SSPN: variants seen among roughly 807,000 people sequenced by gnomAD.
SSPN encodes K-ras oncogene-associated protein.
SSPN carries 15 observed loss-of-function variants against 19.1 expected under a neutral mutation model. The ratio of observed to expected loss-of-function variants is 0.78; its 90% confidence interval spans 0.52 to 1.21. SSPN has a LOEUF of 1.21. Among genes scored for constraint, SSPN ranks in the 50% most tolerant of loss-of-function variants. The pLI is 0.00. For synonymous variants in SSPN, 147 were observed against 140.3 expected, an observed-to-expected ratio of 1.05 and a Z score of -0.34; for missense variants, 291 against 314.0, an observed-to-expected ratio of 0.93 and a Z score of 0.55.
chr12:26,194,627 G>A (rs545886031), upstream of SSPN, among the ~76,000 whole-genome samples: 4 of 152,278 alleles, frequency 2.6e-5, no homozygotes, highest in Non-Finnish European at 4.4e-5. Context: ...CTTGTGATCC[G>A]CCCACCTCGG....
chr12:26,122,612 TGCC>T (rs1254324844), intron 1 of SSPN: 35 of 1,129,768 alleles, frequency 3.1e-5, no homozygotes, highest in South Asian at 2.2e-4. Flanking sequence ...GAAGCGCGGC[TGCC>T]GCCGCCGCCG....
intron 1 of SSPN, among the ~76,000 whole-genome samples, chr12:26,200,863 G>A (rs1205101519): frequency 6.6e-6 from 1 of 151,448 alleles, no homozygotes; most frequent in Non-Finnish European, 1.5e-5. Flanking sequence ...AGGAACTGAG[G>A]AGAGATAATT....
chr12:26,149,446 C>CA (rs990147727), intron 1 of SSPN, among the ~76,000 whole-genome samples: 6 of 152,074 alleles, frequency 3.9e-5, no homozygotes, highest in Admixed American at 1.3e-4. Flanking sequence ...TATTTGGGGG[C>CA]AAAAAATCAG....
chr12:26,192,555 T>C (rs1263126830), upstream of SSPN, among the ~76,000 whole-genome samples: 1 of 152,238 alleles, frequency 6.6e-6, no homozygotes, highest in Non-Finnish European at 1.5e-5. Context: ...TTGTTTCTAC[T>C]TTCAAATATC....
chr12:26,123,186 T>G, intron 1 of SSPN: 1 of 1,564,716 alleles, frequency 6.4e-7, no homozygotes, highest in Non-Finnish European at 8.7e-7. Flanking sequence ...GAGGAAGGGA[T>G]GGGGGTGGGG....
At position 26,224,289 on chromosome 12, in the gene SSPN, G is replaced by C. The variant is rs1319963229; in HGVS notation, c.280-4G>C. 1 of 1,611,174 alleles carries C rather than the reference G, an allele frequency of 6.2e-7. No individual in the cohort carries two copies. The highest frequency in any genetic ancestry group is 1.1e-5 in the South Asian group (1 of 91,014). ...CATCCTTTCTTCTGTGTTCTCCCTT[G>C]CAGGTCTGCTTAGTGGCCTATCTTG... On this transcript the variant is annotated splice_region_variant and splice_polypyrimidine_tract_variant and intron_variant, in intron 1 of 2. Transcript: ENST00000242729.
rs1175577565 is a variant in SSPN at position 26,231,952 on chromosome 12, T to A, written c.*876T>A. 1.0e-6 allele frequency: 1 copy of A among 985,236 alleles called. No homozygotes were observed. The highest frequency in any genetic ancestry group is 1.2e-6 in the Non-Finnish European group (1 of 829,938). The allele number at this position is 985,236 out of a possible 1,614,324, so 61.0% of individuals were successfully genotyped here. A position where few individuals can be genotyped will look rare whatever the true frequency, so the allele number is the denominator to read the frequency against. On this transcript the variant is annotated 3_prime_UTR_variant, in exon 3 of 3. Coordinates refer to ENST00000242729, the MANE Select transcript of SSPN (RefSeq NM_005086.5). ...CACTGTCGGTGTTAAGAGAAATTAC[T>A]CTCACAAGAGCAGAGGCCTGAAGAT... is the stretch of plus-strand genomic sequence containing the variant.
At chr12:26,186,764 T>A (rs1220253191) in intron 1 of SSPN, among the ~76,000 whole-genome samples, 1 of 152,204 alleles carries the variant, frequency 6.6e-6, no homozygotes, top group Non-Finnish European at 1.5e-5. Flanking sequence ...CTGGCTTGGT[T>A]ATGTATTAAC....
At chr12:26,227,968 T>A (rs1285249900) in intron 2 of SSPN, among the ~76,000 whole-genome samples, 1 of 152,218 alleles carries the variant, frequency 6.6e-6, no homozygotes, top group Middle Eastern at 3.2e-3. Flanking sequence ...AAAATTCCCA[T>A]TTTCAGCAAA....
chr12:26,226,637 T>G (rs533941384), intron 2 of SSPN, among the ~76,000 whole-genome samples: 17 of 152,258 alleles, frequency 1.1e-4, no homozygotes, highest in African/African-American at 3.8e-4. Flanking sequence ...TGGGCTTGGC[T>G]GGGCATCGGC....
chr12:26,220,380 T>C (rs1024065788), intron 1 of SSPN, among the ~76,000 whole-genome samples: 1 of 152,008 alleles, frequency 6.6e-6, no homozygotes, highest in South Asian at 2.1e-4. Flanking sequence ...AGAACCTAAA[T>C]TGAAGCTTTC....
At chr12:26,174,184 C>T (rs1944669412) in intron 1 of SSPN, among the ~76,000 whole-genome samples, 2 of 152,054 alleles carry the variant, frequency 1.3e-5, no homozygotes, top group Non-Finnish European at 2.9e-5. Flanking sequence ...AAATGTTAGG[C>T]ATTATTTGAA....
chr12:26,154,128 C>T (rs1170163296), intron 1 of SSPN, among the ~76,000 whole-genome samples: 1 of 152,306 alleles, frequency 6.6e-6, no homozygotes, highest in Non-Finnish European at 1.5e-5. Flanking sequence ...CTCTTGAACC[C>T]GAGCAGTTGC....
At chr12:26,177,084 G>T (rs1018562415) in intron 1 of SSPN, among the ~76,000 whole-genome samples, 1 of 152,050 alleles carries the variant, frequency 6.6e-6, no homozygotes, top group African/African-American at 2.4e-5. Context: ...GAGATAGAAA[G>T]AAAAAAAGTT....
chr12:26,219,989 G>A (rs961668731), intron 1 of SSPN, among the ~76,000 whole-genome samples: 5 of 152,094 alleles, frequency 3.3e-5, no homozygotes, highest in Non-Finnish European at 7.4e-5. Context: ...TAGGCCTGAC[G>A]GGTCTCACTG....
chr12:26,192,807 A>G (rs1317900935), upstream of SSPN, among the ~76,000 whole-genome samples: 1 of 152,254 alleles, frequency 6.6e-6, no homozygotes, highest in Non-Finnish European at 1.5e-5. Context: ...GGCAATCAAA[A>G]GTAAGCTTTT....
At position 26,123,303 on chromosome 12, in the gene SSPN, T is replaced by C. The variant is rs551518969; in HGVS notation, c.-31+1151T>C. Reference sequence around the variant, plus strand: ...TCTCGGTTTTTCCCCAGTATTCAAGTGATATAATCCACCAGTTGACGAGAG... The same window carrying C: ...TCTCGGTTTTTCCCCAGTATTCAAGCGATATAATCCACCAGTTGACGAGAG... On this transcript the variant is annotated intron_variant, in intron 1 of 2. Coordinates refer to the SSPN transcript ENST00000538142. The C allele has an allele frequency of 1.6e-4, 194 of 1,237,872 alleles. 2 individuals carry two copies. In the Middle Eastern group the frequency reaches 2.5e-3, roughly 16 times the overall value. The allele number at this position is 1,237,872 out of a possible 1,614,324, so 76.7% of individuals were successfully genotyped here.
At chr12:26,225,765 A>C (rs1286532590) in intron 2 of SSPN, among the ~76,000 whole-genome samples, 1 of 114,866 alleles carries the variant, frequency 8.7e-6, no homozygotes, top group Non-Finnish European at 1.9e-5. Flanking sequence ...AAAAAAAAAA[A>C]AGCCAGAAAG....
intron 1 of SSPN, among the ~76,000 whole-genome samples, chr12:26,200,793 G>T (rs1363298119): frequency 6.6e-6 from 1 of 151,628 alleles, no homozygotes; most frequent in East Asian, 1.9e-4. Context: ...AAAATATAAT[G>T]TCGCATCCCT....
Sources: allele counts gnomAD v4.1 joint callset (sites outside exome capture counted in the v4.1 genomes callset), GRCh38; gene constraint gnomAD v4.1.1; transcripts MANE v1.5; gene names NCBI Gene and HGNC (gene_info 2026-07-23, HGNC 2026-07-21).